The following STK32B variants were observed in gnomAD, a reference collection of about 807,000 sequenced individuals.
STK32B encodes the protein serine/threonine kinase 32B.
In STK32B, 43 loss-of-function variants were observed where a neutral mutation model predicts 52.6. The observed-to-expected ratio is 0.82, with a 90% CI of 0.64 to 1.05. The LOEUF (loss-of-function observed/expected upper bound fraction) is 1.05, where lower values mean the gene tolerates loss of function less well. Ranked by LOEUF, STK32B falls within the 50% of genes least tolerant of loss-of-function variation. The pLI is 0.00. For synonymous variants in STK32B, 238 were observed against 204.3 expected (o/e 1.17, Z -1.41); for missense variants, 621 against 534.6 (o/e 1.16, Z -1.59).
intron 3 of STK32B, among the ~76,000 whole-genome samples, chr4:5,198,998 G>T (rs541750505): frequency 6.6e-6 from 1 of 152,088 alleles, no homozygotes; most frequent in Non-Finnish European, 1.5e-5. Flanking sequence ...TTTCCATTTT[G>T]TCCACACCCT....
chr4:5,389,190 A>G (rs1050792804), intron 4 of STK32B, among the ~76,000 whole-genome samples: 4 of 152,180 alleles, frequency 2.6e-5, no homozygotes, highest in African/African-American at 9.7e-5. Context: ...ACGGATCTCT[A>G]ACTGGTATAT....
intron 3 of STK32B, among the ~76,000 whole-genome samples, chr4:5,280,591 G>T (rs1315971948): frequency 6.6e-6 from 1 of 152,082 alleles, no homozygotes; most frequent in Non-Finnish European, 1.5e-5. Flanking sequence ...GTCTATTCTC[G>T]CACTGCTATA....
At chr4:5,375,353 T>C (rs1735520888) in intron 4 of STK32B, among the ~76,000 whole-genome samples, 1 of 152,208 alleles carries the variant, frequency 6.6e-6, no homozygotes, top group African/African-American at 2.4e-5. Context: ...GCTTCCACGG[T>C]GCTCTCTGCC....
intron 3 of STK32B, among the ~76,000 whole-genome samples, chr4:5,191,511 C>T (rs1178855112): frequency 3.9e-5 from 6 of 152,118 alleles, no homozygotes; most frequent in African/African-American, 1.4e-4. Context: ...ACCTCGGCAT[C>T]CCAAAGTGCT....
Position 5,468,038 on chromosome 4 carries a change from C to A in STK32B, c.1074C>A (p.Val358=). ...ACCTGCAGCACTGTTTGGAGACTGT[C>A]CGGGAGGAATTCATCATATTCAACA... ...NGHLQHCLET[V]REEFIIFNRE... is the part of the protein sequence containing the mutation. Residue 358 remains valine (V), a synonymous_variant, in exon 11 of 12, where the codon GTC becomes GTA. Coordinates refer to ENST00000282908, the MANE Select transcript of STK32B (RefSeq NM_018401.3). The A allele has an allele frequency of 1.9e-6, 3 of 1,614,102 alleles. No homozygotes were observed. The highest frequency in any genetic ancestry group is 2.5e-6 in the Non-Finnish European group (3 of 1,179,994).
At chr4:5,491,354 T>G (rs900608298) in intron 11 of STK32B, among the ~76,000 whole-genome samples, 2 of 152,216 alleles carry the variant, frequency 1.3e-5, no homozygotes, top group African/African-American at 4.8e-5. Flanking sequence ...TTTCATGTGT[T>G]TTTTGGCTGC....
rs570123247 is a variant in STK32B at position 5,467,907 on chromosome 4, G to C, written c.1042-99G>C. ...CTTGTCCCGGTCCCAAGCATCTGAGGTTTCCATCTAGGTCAGTCTGCCGTC... is the reference window on the plus strand; with the variant it reads ...CTTGTCCCGGTCCCAAGCATCTGAGCTTTCCATCTAGGTCAGTCTGCCGTC... On this transcript the variant is annotated intron_variant, in intron 10 of 11. Coordinates refer to ENST00000282908, the MANE Select transcript of STK32B (RefSeq NM_018401.3). This position sits in a 1 kb window ranked among gnomAD's most constrained non-coding sequence, Gnocchi z 5.8. 2.9e-5 allele frequency: 40 copies of C among 1,366,654 alleles called. No individual in the cohort carries two copies. Among genetic ancestry groups the C allele is most frequent in the Non-Finnish European group, 4.2e-5 (40 of 963,156 alleles). 84.7% of individuals were successfully genotyped at this position (1,366,654 alleles called of 1,614,324 possible). A position where few individuals can be genotyped will look rare whatever the true frequency, so the allele number is the denominator to read the frequency against.
chr4:5,335,627 T>G (rs1192641733), intron 4 of STK32B, among the ~76,000 whole-genome samples: 1 of 152,132 alleles, frequency 6.6e-6, no homozygotes, highest in Non-Finnish European at 1.5e-5. Flanking sequence ...GTGCTATAAA[T>G]TTCCCTCTAC....
chr4:5,228,667 C>G (rs1724035906), intron 3 of STK32B, among the ~76,000 whole-genome samples: 1 of 152,044 alleles, frequency 6.6e-6, no homozygotes, highest in South Asian at 2.1e-4. Flanking sequence ...GTTCCCAGGG[C>G]ATATAAAAGT....
chr4:5,027,590 T>G, the STK32B span, among the ~76,000 whole-genome samples: 1 of 152,220 alleles, frequency 6.6e-6, no homozygotes, highest in African/African-American at 2.4e-5. Flanking sequence ...TTGCACAGTT[T>G]TTGTGAAGAA....
Position 5,051,869 on chromosome 4 carries a change from C to A in STK32B, c.6C>A (p.Gly2=). 1 of 1,598,616 alleles carries A rather than the reference C, an allele frequency of 6.3e-7. No individual in the cohort carries two copies. Among genetic ancestry groups the A allele is most frequent in the Admixed American group, 1.7e-5 (1 of 58,496 alleles). The part of the protein sequence containing the change: M[G]GNHSHKPPVF... ...AGCGGCAGCAACGGCGGAATATGGG[C>A]GGGAACCACTCCCACAAGCCCCCCG... Residue 2 remains glycine, a synonymous_variant, in exon 1 of 12, where the codon GGC becomes GGA. Transcript: ENST00000282908.
At chr4:5,213,852 A>G (rs1283326987) in intron 3 of STK32B, among the ~76,000 whole-genome samples, 1 of 152,228 alleles carries the variant, frequency 6.6e-6, no homozygotes, top group Non-Finnish European at 1.5e-5. Flanking sequence ...CTTTTGGTTA[A>G]AAAATGTTTC....
chr4:5,348,038 G>A (rs1236551885), intron 4 of STK32B, among the ~76,000 whole-genome samples: 3 of 152,138 alleles, frequency 2.0e-5, no homozygotes, highest in African/African-American at 7.2e-5. Flanking sequence ...AGAGAATACA[G>A]GAGTTCAACA....
intron 9 of STK32B, among the ~76,000 whole-genome samples, chr4:5,465,862 C>A (rs997330293): frequency 2.0e-5 from 3 of 152,168 alleles, no homozygotes; most frequent in Admixed American, 6.5e-5. Flanking sequence ...GGAGGACTTG[C>A]TTCATGCCTG....
At chr4:5,312,816 T>C (rs1730396305) in intron 3 of STK32B, among the ~76,000 whole-genome samples, 2 of 152,038 alleles carry the variant, frequency 1.3e-5, no homozygotes, top group African/African-American at 2.4e-5. Flanking sequence ...ATGGGATGGC[T>C]GGGTCAAATG....
intron 3 of STK32B, among the ~76,000 whole-genome samples, chr4:5,172,083 G>A (rs1192014695): frequency 1.3e-5 from 2 of 150,322 alleles, no homozygotes; most frequent in African/African-American, 2.4e-5. Context: ...GAGAATGGGA[G>A]TTAACTCATG....
At chr4:5,229,729 A>G (rs1290730176) in intron 3 of STK32B, among the ~76,000 whole-genome samples, 1 of 152,144 alleles carries the variant, frequency 6.6e-6, no homozygotes, top group African/African-American at 2.4e-5. Flanking sequence ...AATTATATAT[A>G]ATTTTCTGGA....
intron 11 of STK32B, among the ~76,000 whole-genome samples, chr4:5,496,969 G>A (rs1244811879): frequency 1.3e-5 from 2 of 152,148 alleles, no homozygotes; most frequent in East Asian, 3.9e-4. Flanking sequence ...AAATTGTGAG[G>A]ATGGGGAGAG....
intron 4 of STK32B, among the ~76,000 whole-genome samples, chr4:5,342,534 G>A (rs1733156788): frequency 6.6e-6 from 1 of 151,952 alleles, no homozygotes; most frequent in African/African-American, 2.4e-5. Flanking sequence ...TAAACAAGCA[G>A]GTCTCGTGAT....
Sources: gnomAD v4.1 joint callset for allele counts (sites outside exome capture counted in the v4.1 genomes callset) on GRCh38, gnomAD v4.1.1 for gene constraint, Gnocchi (gnomAD v3.1) non-coding constraint, MANE v1.5 for transcripts, NCBI Gene and HGNC (gene_info 2026-07-23, HGNC 2026-07-21) for gene names.